Variants in MAP3K13 observed in about 807,000 individuals in gnomAD.
The protein encoded by MAP3K13 is leucine zipper-bearing kinase.
MAP3K13 carries 52 observed loss-of-function variants against 104.0 expected under a neutral mutation model. The ratio of observed to expected loss-of-function variants is 0.50; its 90% CI spans 0.40 to 0.63. The LOEUF is 0.63. Ranked by LOEUF, MAP3K13 falls within the 20% of genes least tolerant of loss-of-function variation. The pLI, the probability that MAP3K13 is intolerant of heterozygous loss-of-function variation, is 0.00. For synonymous variants in MAP3K13, 394 were observed against 442.2 expected, an observed-to-expected ratio of 0.89 and a Z score of 1.37; for missense variants, 914 against 1,218.5, an observed-to-expected ratio of 0.75 and a Z score of 3.72.
rs569785477 is a variant in MAP3K13 at position 185,402,425 on chromosome 3, CCATGTA to C, written c.-85-26068_-85-26063del. ...TGTTTCTTCACCTCTTTACCTATTA[CCATGTA>C]CATCTTTGTCTGGAGTCTGTGTCCT... On this transcript the variant is annotated intron_variant, in intron 1 of 13. Coordinates refer to ENST00000265026, the MANE Select transcript of MAP3K13 (RefSeq NM_004721.5). Among the ~76,000 whole-genome samples the C allele has an allele frequency of 8.2e-4, 125 of 152,156 alleles. 1 individual carries two copies. The highest frequency in any genetic ancestry group is 1.6e-3 in the Non-Finnish European group (106 of 68,012).
chr3:185,402,508 A>T (rs1460042779), intron 1 of MAP3K13, among the ~76,000 whole-genome samples: 1 of 152,150 alleles, frequency 6.6e-6, no homozygotes, highest in Non-Finnish European at 1.5e-5. Flanking sequence ...AGTCAAGCTT[A>T]TTATATCCAG....
chr3:185,343,211 G>T (rs934013007), intron 2 of MAP3K13, among the ~76,000 whole-genome samples: 23 of 152,160 alleles, frequency 1.5e-4, no homozygotes, highest in Non-Finnish European at 1.3e-4. Context: ...TTGATTGGAA[G>T]CAAGTATTAC....
intron 2 of MAP3K13, among the ~76,000 whole-genome samples, chr3:185,342,511 T>A (rs1031673691): frequency 6.6e-6 from 1 of 152,188 alleles, no homozygotes; most frequent in East Asian, 1.9e-4. Flanking sequence ...ATTTTCATAA[T>A]TCTCTATCTA....
chr3:185,455,652 T>TG lies in MAP3K13; in HGVS notation c.1278+4257_1278+4258insG, dbSNP rs1560120169. On this transcript the variant is annotated intron_variant, in intron 7 of 13. Transcript: ENST00000265026. The stretch of plus-strand genomic sequence containing the variant: ...ATATATATGATATATATGAGATATA[T>TG]ATATGATATATATATGATATATATA... 3.0e-4 allele frequency among the ~76,000 whole-genome samples: 19 copies of TG among 63,966 alleles called. 1 individual carries two copies. Among genetic ancestry groups the TG allele is most frequent in the Non-Finnish European group, 3.9e-4 (12 of 30,586 alleles). The allele number at this position is 63,966 out of a possible 152,430, so 42.0% of individuals were successfully genotyped here. A position where few individuals can be genotyped will look rare whatever the true frequency, so the allele number is the denominator to read the frequency against.
At chr3:185,346,987 G>GTTTTTTTTTT (rs201877429) in intron 2 of MAP3K13, among the ~76,000 whole-genome samples, 1 of 127,690 alleles carries the variant, frequency 7.8e-6, no homozygotes, top group African/African-American at 3.0e-5. Context: ...CACAAAGGAA[G>GTTTTTTTTTT]TTTTTTTTTT....
intron 2 of MAP3K13, among the ~76,000 whole-genome samples, chr3:185,293,856 A>G (rs1720829971): frequency 6.6e-6 from 1 of 152,152 alleles, no homozygotes; most frequent in South Asian, 2.1e-4. Context: ...AATTTGACTT[A>G]TGGTGTAATT....
At chr3:185,453,682 T>A (rs981258296) in intron 7 of MAP3K13, among the ~76,000 whole-genome samples, 1 of 150,278 alleles carries the variant, frequency 6.7e-6, no homozygotes, top group Non-Finnish European at 1.5e-5. Context: ...GGCAGGAGAA[T>A]CACTTGAACC....
At chr3:185,313,778 A>G (rs953077884) in intron 2 of MAP3K13, among the ~76,000 whole-genome samples, 3 of 151,714 alleles carry the variant, frequency 2.0e-5, no homozygotes, top group Non-Finnish European at 4.4e-5. Context: ...TTAATGATAG[A>G]TTAGAATTGG....
At chr3:185,395,358 T>TTTCTTTTTTC (rs1491428919) in intron 1 of MAP3K13, among the ~76,000 whole-genome samples, 1 of 4,136 alleles carries the variant, frequency 2.4e-4, no homozygotes, top group East Asian at 0.12. Context: ...ATATTATTTC[T>TTTCTTTTTTC]TTTTTTTTTT....
At chr3:185,386,001 T>TA (rs58244615) in intron 1 of MAP3K13, among the ~76,000 whole-genome samples, 31 of 147,092 alleles carry the variant, frequency 2.1e-4, no homozygotes, top group Non-Finnish European at 3.3e-4. Context: ...GACCCTATCT[T>TA]AAAAAAAAAA....
At chr3:185,369,482 T>C (rs1399883001) in intron 1 of MAP3K13, among the ~76,000 whole-genome samples, 4 of 152,214 alleles carry the variant, frequency 2.6e-5, no homozygotes, top group Admixed American at 6.5e-5. Context: ...AGGGTGGTGC[T>C]TGGAGAGCTC....
intron 2 of MAP3K13, among the ~76,000 whole-genome samples, chr3:185,355,557 C>T (rs970094772): frequency 2.6e-5 from 4 of 151,970 alleles, no homozygotes; most frequent in Non-Finnish European, 5.9e-5. Flanking sequence ...ATCACTTGAA[C>T]CTAGGAGGCA....
At chr3:185,426,224 G>A (rs1404983282) in intron 1 of MAP3K13, among the ~76,000 whole-genome samples, 1 of 152,082 alleles carries the variant, frequency 6.6e-6, no homozygotes, top group Non-Finnish European at 1.5e-5. Context: ...GGGACTACAG[G>A]CATGCACCAC....
intron 2 of MAP3K13, among the ~76,000 whole-genome samples, chr3:185,314,648 C>T (rs1004202903): frequency 1.3e-5 from 2 of 151,726 alleles, no homozygotes; most frequent in African/African-American, 4.8e-5. Flanking sequence ...AAACAAGATC[C>T]CACTCTGTCA....
intron 2 of MAP3K13, among the ~76,000 whole-genome samples, chr3:185,340,700 G>C (rs1577441872): frequency 6.6e-6 from 1 of 152,186 alleles, no homozygotes; most frequent in African/African-American, 2.4e-5. Flanking sequence ...TTAGATCACG[G>C]GGGTAGTTTG....
chr3:185,428,423 T>TA, intron 1 of MAP3K13, 74 bp from the exon 2 acceptor site: 1 of 966,806 alleles, frequency 1.0e-6, no homozygotes, highest in Non-Finnish European at 1.4e-6. Context: ...CAGTTTTTTT[T>TA]AATGCAAACA....
At chr3:185,321,764 C>T (rs138220767) in intron 2 of MAP3K13, among the ~76,000 whole-genome samples, 94 of 152,178 alleles carry the variant, frequency 6.2e-4, no homozygotes, top group African/African-American at 2.2e-3. Context: ...CCACCATGCC[C>T]GGCTAATTTT....
intron 1 of MAP3K13, among the ~76,000 whole-genome samples, chr3:185,409,563 A>G (rs1330677055): frequency 1.3e-5 from 2 of 152,176 alleles, no homozygotes; most frequent in Non-Finnish European, 2.9e-5. Flanking sequence ...AGCACTATGG[A>G]GAACAGTATG....
Position 185,437,474 on chromosome 3 carries a change from T to C in MAP3K13, c.503T>C (p.Ile168Thr). ...ACTTGGGAAGTGCCATTTGAGGAGA[T>C]CTCAGAGCTGCAGTGGCTGGGTAGT... is the stretch of plus-strand genomic sequence containing the variant. ...QDTWEVPFEE[I>T]SELQWLGSGA... Residue 168 changes from isoleucine (I) to threonine (T), a missense_variant, in exon 3 of 14, where the codon ATC (isoleucine) becomes ACC (threonine). Transcript: ENST00000265026. 6.2e-7 allele frequency: 1 copy of C among 1,613,750 alleles called. No individual in the cohort carries two copies. The highest frequency in any genetic ancestry group is 8.5e-7 in the Non-Finnish European group (1 of 1,179,936).
Sources: allele counts gnomAD v4.1 joint callset (sites outside exome capture counted in the v4.1 genomes callset), GRCh38; gene constraint gnomAD v4.1.1; transcripts MANE v1.5; gene names NCBI Gene and HGNC (gene_info 2026-07-23, HGNC 2026-07-21).